Variants in THSD7A observed in about 807,000 individuals in gnomAD.
The protein encoded by THSD7A is thrombospondin type 1 domain containing 7A.
Under a neutral mutation model 231.3 loss-of-function variants are expected in THSD7A, and 96 were observed. The ratio of observed to expected loss-of-function variants is 0.41; its 90% CI spans 0.35 to 0.49. THSD7A has a LOEUF of 0.49. THSD7A is among the 20% of genes least tolerant of loss of function. The pLI, the probability that THSD7A is intolerant of heterozygous loss-of-function variation, is 0.05. For synonymous variants in THSD7A, 940 were observed against 743.3 expected, an observed-to-expected ratio of 1.26 and a Z score of -4.30; for missense variants, 2,290 against 2,070.2, an observed-to-expected ratio of 1.11 and a Z score of -2.06.
chr7:11,817,595 G>A (rs1264372817), intron 1 of THSD7A, among the ~76,000 whole-genome samples: 3 of 152,130 alleles, frequency 2.0e-5, no homozygotes, highest in African/African-American at 7.2e-5. Flanking sequence ...ATAGATTCAG[G>A]AGACAAATTC....
chr7:11,488,957 C>A (rs1031181091), intron 6 of THSD7A, among the ~76,000 whole-genome samples: 1 of 151,246 alleles, frequency 6.6e-6, no homozygotes, highest in African/African-American at 2.4e-5. Flanking sequence ...CCTCTGTGAA[C>A]ATTATTTGAC....
At chr7:11,656,657 C>T (rs1380744954) in intron 1 of THSD7A, among the ~76,000 whole-genome samples, 3 of 151,920 alleles carry the variant, frequency 2.0e-5, no homozygotes, top group Non-Finnish European at 2.9e-5. Context: ...GTTAACTTAA[C>T]CATTCCATTC....
chr7:11,484,248 G>A (rs1786553375), intron 6 of THSD7A, among the ~76,000 whole-genome samples: 1 of 151,950 alleles, frequency 6.6e-6, no homozygotes, highest in African/African-American at 2.4e-5. Context: ...CCTTTTTACT[G>A]TTCTGATCAC....
intron 1 of THSD7A, among the ~76,000 whole-genome samples, chr7:11,757,655 T>C (rs1320381055): frequency 6.6e-6 from 1 of 151,936 alleles, no homozygotes; most frequent in African/African-American, 2.4e-5. Flanking sequence ...ATATTAGAGG[T>C]ATTTAAGAAA....
rs191606724 is a variant in THSD7A, at chr7:11,530,182, T to A, written c.1822+11237A>T. Among the ~76,000 whole-genome samples, 8 of 152,286 alleles carry A rather than the reference T, an allele frequency of 5.3e-5. No individual in the cohort carries two copies. The East Asian group carries it at 1.4e-3, about 26-fold the overall frequency. On this transcript the variant is annotated intron_variant, in intron 6 of 27. Coordinates refer to ENST00000423059, the MANE Select transcript of THSD7A (RefSeq NM_015204.3). ...TCAAATTTCAAGTTTTTCTGTACAT[T>A]TATTTTTTTCTTCCTATGAAAATAC... is the stretch of plus-strand genomic sequence containing the variant.
At chr7:11,393,239 G>A (rs1176713112) in intron 23 of THSD7A, among the ~76,000 whole-genome samples, 1 of 152,208 alleles carries the variant, frequency 6.6e-6, no homozygotes, top group Admixed American at 6.5e-5. Flanking sequence ...GTGATATCCA[G>A]GCAAACAGGG....
Position 11,832,018 on chromosome 7 carries a change from G to T in THSD7A, c.-72C>A. ...GGGAATTTTTCTCCGCTCTTGGAAC[G>T]TCTTTTCAAAGAGTACAGAAAGCAA... On this transcript the variant is annotated 5_prime_UTR_variant, in exon 1 of 28. Coordinates refer to ENST00000423059, the MANE Select transcript of THSD7A (RefSeq NM_015204.3). 9.6e-7 allele frequency: 1 copy of T among 1,041,826 alleles called. No individual in the cohort carries two copies. Among genetic ancestry groups the T allele is most frequent in the Non-Finnish European group, 1.2e-6 (1 of 822,044 alleles). The allele number at this position is 1,041,826 out of a possible 1,614,324, so 64.5% of individuals were successfully genotyped here. A position where few individuals can be genotyped will look rare whatever the true frequency, so the allele number is the denominator to read the frequency against.
At chr7:11,727,565 GATAAAAA>G (rs566147779) in intron 1 of THSD7A, among the ~76,000 whole-genome samples, 95 of 151,960 alleles carry the variant, frequency 6.3e-4, no homozygotes, top group African/African-American at 2.0e-3. Flanking sequence ...TAAAATAATT[GATAAAAA>G]CTCTTACCAA....
chr7:11,588,496 T>C (rs938105450), intron 4 of THSD7A, among the ~76,000 whole-genome samples: 1 of 152,234 alleles, frequency 6.6e-6, no homozygotes, highest in African/African-American at 2.4e-5. Context: ...CCATATCTAT[T>C]GACCTTTGCT....
chr7:11,696,932 T>C (rs1177877678), intron 1 of THSD7A, among the ~76,000 whole-genome samples: 1 of 151,448 alleles, frequency 6.6e-6, no homozygotes, highest in Non-Finnish European at 1.5e-5. Context: ...TCCACTATTA[T>C]AGTTTCAATT....
chr7:11,807,228 G>C (rs1368253902), intron 1 of THSD7A, among the ~76,000 whole-genome samples: 1 of 152,048 alleles, frequency 6.6e-6, no homozygotes, highest in African/African-American at 2.4e-5. Flanking sequence ...GATGCCATAG[G>C]GATCACATGA....
chr7:11,773,861 A>G (rs933810865), intron 1 of THSD7A, among the ~76,000 whole-genome samples: 2 of 152,208 alleles, frequency 1.3e-5, no homozygotes, highest in African/African-American at 4.8e-5. Flanking sequence ...GTTATTAACA[A>G]TAAGAAAAAA....
intron 4 of THSD7A, among the ~76,000 whole-genome samples, chr7:11,566,004 C>T (rs1370304867): frequency 3.3e-5 from 5 of 152,074 alleles, no homozygotes; most frequent in African/African-American, 1.2e-4. Flanking sequence ...CTAATATTCA[C>T]CCCACTCATC....
intron 23 of THSD7A, among the ~76,000 whole-genome samples, chr7:11,396,111 A>C (rs1583664927): frequency 1.3e-5 from 2 of 152,346 alleles, no homozygotes; most frequent in East Asian, 3.9e-4. Context: ...GTTCAAAGAC[A>C]CAACATACCA....
chr7:11,716,009 G>T (rs1352109685), intron 1 of THSD7A, among the ~76,000 whole-genome samples: 2 of 151,516 alleles, frequency 1.3e-5, no homozygotes, highest in Admixed American at 6.6e-5. Flanking sequence ...TCTAGAAAGA[G>T]GAGAACCCAT....
At chr7:11,659,048 C>T (rs1297734519) in intron 1 of THSD7A, among the ~76,000 whole-genome samples, 2 of 151,686 alleles carry the variant, frequency 1.3e-5, no homozygotes, top group Admixed American at 1.3e-4. Flanking sequence ...TTTGAACTCA[C>T]TTAAACACAC....
At chr7:11,481,575 A>T (rs560695922) in intron 7 of THSD7A, among the ~76,000 whole-genome samples, 1 of 152,288 alleles carries the variant, frequency 6.6e-6, no homozygotes, top group South Asian at 2.1e-4. Flanking sequence ...GTTCACTTTT[A>T]AAAAGTCTTT....
chr7:11,534,468 C>T (rs1788833078), intron 6 of THSD7A, among the ~76,000 whole-genome samples: 1 of 152,138 alleles, frequency 6.6e-6, no homozygotes, highest in South Asian at 2.1e-4. Context: ...CAATGGGGTA[C>T]CAATGTACCC....
At chr7:11,698,972 A>ATT (rs58228910) in intron 1 of THSD7A, among the ~76,000 whole-genome samples, 2 of 142,748 alleles carry the variant, frequency 1.4e-5, no homozygotes, top group South Asian at 2.2e-4. Context: ...AATGTCACTG[A>ATT]TTTTTTTTTT....
Sources: gnomAD v4.1 joint callset for allele counts (sites outside exome capture counted in the v4.1 genomes callset) on GRCh38, gnomAD v4.1.1 for gene constraint, MANE v1.5 for transcripts, NCBI Gene and HGNC (gene_info 2026-07-23, HGNC 2026-07-21) for gene names.